The following SOS2 variants were observed in gnomAD, a reference collection of about 807,000 sequenced individuals.
SOS2 encodes the protein SOS Ras/Rho guanine nucleotide exchange factor 2, also known as son of sevenless homolog 2.
In SOS2, 65 loss-of-function variants were observed where a neutral mutation model predicts 148.2. That is an observed-to-expected ratio of 0.44 (90% CI 0.36 to 0.54). The LOEUF is 0.54. Among genes scored for constraint, SOS2 ranks in the 20% least tolerant of loss-of-function variants. The pLI is 0.00. For synonymous variants in SOS2, 539 were observed against 537.1 expected (o/e 1.00, Z -0.05); for missense variants, 1,341 against 1,590.2 (o/e 0.84, Z 2.67).
intron 13 of SOS2, 48 bp from the exon 14 acceptor site, chr14:50,150,278 G>T: frequency 1.7e-6 from 2 of 1,210,274 alleles, no homozygotes; most frequent in South Asian, 2.4e-5. Flanking sequence ...TGACAGACAT[G>T]ACTGCAAATC....
chr14:50,144,494 G>A (rs1884401127), intron 16 of SOS2, among the ~76,000 whole-genome samples: 1 of 152,070 alleles, frequency 6.6e-6, no homozygotes, highest in Non-Finnish European at 1.5e-5. Flanking sequence ...CTGGAGTGCA[G>A]TGGTGTGATC....
At position 50,132,180 on chromosome 14, in the gene SOS2, G is replaced by A. The variant is rs138325124; in HGVS notation, c.3076-1418C>T. ...GCACAATCAAAGCAATGGCTACCAA[G>A]AGGTGGAAGTGTGGTCCAGTCAAAG... On this transcript the variant is annotated intron_variant, in intron 19 of 22. Coordinates refer to ENST00000216373, the MANE Select transcript of SOS2 (RefSeq NM_006939.4). 1.7e-3 allele frequency among the ~76,000 whole-genome samples: 266 copies of A among 152,094 alleles called. 1 individual carries two copies. The highest frequency in any genetic ancestry group is 4.7e-3 in the Admixed American group (72 of 15,260).
At chr14:50,152,080 G>GT (rs1884677814) in intron 13 of SOS2, among the ~76,000 whole-genome samples, 1 of 152,076 alleles carries the variant, frequency 6.6e-6, no homozygotes, top group Non-Finnish European at 1.5e-5. Context: ...ACATAAAAAT[G>GT]TATCATAAAC....
intron 21 of SOS2, among the ~76,000 whole-genome samples, chr14:50,125,603 G>A (rs1883656381): frequency 2.9e-5 from 1 of 34,102 alleles, no homozygotes; most frequent in Admixed American, 3.8e-4. Context: ...GGAGGAAGAT[G>A]AAACCCTACA....
At chr14:50,214,488 G>C (rs1240935634) in intron 1 of SOS2, among the ~76,000 whole-genome samples, 1 of 152,002 alleles carries the variant, frequency 6.6e-6, no homozygotes, top group Non-Finnish European at 1.5e-5. Flanking sequence ...ATTTCTAATA[G>C]ATCAATCGAC....
intron 4 of SOS2, among the ~76,000 whole-genome samples, chr14:50,189,180 A>G (rs1177274023): frequency 2.6e-5 from 4 of 151,618 alleles, no homozygotes. Context: ...AAAAGGAAAA[A>G]AAGTTGTTGA....
chr14:50,142,010 C>CTT (rs143071093), intron 16 of SOS2, among the ~76,000 whole-genome samples: 3 of 142,980 alleles, frequency 2.1e-5, no homozygotes, highest in African/African-American at 5.1e-5. Flanking sequence ...ATTAATATTT[C>CTT]TTTTTTTTTT....
chr14:50,163,409 C>G (rs980165974), intron 8 of SOS2, among the ~76,000 whole-genome samples: 4 of 152,070 alleles, frequency 2.6e-5, no homozygotes, highest in African/African-American at 9.7e-5. Flanking sequence ...ACAACTTTGT[C>G]CATTACCTTT....
At chr14:50,125,163 C>G (rs1883643020) in intron 21 of SOS2, among the ~76,000 whole-genome samples, 1 of 152,076 alleles carries the variant, frequency 6.6e-6, no homozygotes, top group African/African-American at 2.4e-5. Flanking sequence ...TGACCAGTGT[C>G]TTTATAAGAA....
intron 14 of SOS2, among the ~76,000 whole-genome samples, chr14:50,145,961 C>A (rs1989544): frequency 0.83 from 126,449 of 151,742 alleles, 52,741 homozygotes; most frequent in East Asian, 0.91. Flanking sequence ...ATGGAAAAAC[C>A]CCGTCTCTAC....
rs571339365 is a variant in SOS2, at chr14:50,130,576, T to C, written c.3262A>G (p.Thr1088Ala). ...STVSAPTSPN[T>A]PSTPPVSASS... is the part of the protein sequence containing the mutation. ...GCAGATACTGGTGGAGTAGATGGTG[T>C]ATTTGGAGAGGTTGGTGCTGACACT... The change falls in exon 20 of 23, where the codon ACA becomes GCA. Residue 1088 changes from threonine (T) to alanine (A), a missense_variant. Thr to Ala is a moderately conservative substitution (Grantham distance 58). Coordinates refer to ENST00000216373, the MANE Select transcript of SOS2 (RefSeq NM_006939.4). The C allele has an allele frequency of 6.2e-7, 1 of 1,613,908 alleles. No homozygotes were observed. Among genetic ancestry groups the C allele is most frequent in the East Asian group, 2.2e-5 (1 of 44,874 alleles).
At chr14:50,214,940 A>G (rs1323594246) in intron 1 of SOS2, among the ~76,000 whole-genome samples, 1 of 149,336 alleles carries the variant, frequency 6.7e-6, no homozygotes, top group Non-Finnish European at 1.5e-5. Flanking sequence ...GGTTCACGCC[A>G]TTCTCCTGCC....
chr14:50,147,475 G>A (rs1431918658), intron 14 of SOS2, among the ~76,000 whole-genome samples: 1 of 139,624 alleles, frequency 7.2e-6, no homozygotes, highest in Non-Finnish European at 1.5e-5. Context: ...TTGTGCCACT[G>A]CACTCCAGCC....
At chr14:50,207,176 G>T (rs1187201112) in intron 1 of SOS2, among the ~76,000 whole-genome samples, 1 of 151,996 alleles carries the variant, frequency 6.6e-6, no homozygotes, top group Non-Finnish European at 1.5e-5. Flanking sequence ...TTTATTTTGG[G>T]ACTAGACTTT....
At chr14:50,192,313 T>C (rs1358807216) in intron 4 of SOS2, among the ~76,000 whole-genome samples, 1 of 152,018 alleles carries the variant, frequency 6.6e-6, no homozygotes, top group Non-Finnish European at 1.5e-5. Context: ...CCCAGAACTT[T>C]AGAGGCCAAG....
Position 50,143,215 on chromosome 14 carries a change from C to T in SOS2, c.2667+1955G>A, listed in dbSNP as rs966071391. On this transcript the variant is annotated intron_variant, in intron 16 of 22. Transcript: ENST00000216373. ...TGACTAATGCCTGTAATCGCAGCTA[C>T]TCAAGAGGCTGGGACAGGACGATCC... 2.6e-5 allele frequency among the ~76,000 whole-genome samples: 4 copies of T among 151,752 alleles called. No individual in the cohort carries two copies. In the East Asian group the frequency reaches 7.8e-4, roughly 29 times the overall value.
chr14:50,166,793 A>G (rs1296858018), intron 8 of SOS2, among the ~76,000 whole-genome samples: 1 of 152,210 alleles, frequency 6.6e-6, no homozygotes, highest in Non-Finnish European at 1.5e-5. Context: ...AATTCACTGT[A>G]CTAGGAGTTC....
intron 4 of SOS2, among the ~76,000 whole-genome samples, chr14:50,194,307 T>C (rs1886247980): frequency 6.6e-6 from 1 of 152,078 alleles, no homozygotes; most frequent in Admixed American, 6.6e-5. Flanking sequence ...CCTTTATAGG[T>C]AAAGTTTGTT....
intron 5 of SOS2, among the ~76,000 whole-genome samples, chr14:50,187,024 T>A (rs1373186238): frequency 6.6e-6 from 1 of 152,214 alleles, no homozygotes; most frequent in Non-Finnish European, 1.5e-5. Context: ...TAAGTATCTT[T>A]TTTTTGAGCC....
Sources: gnomAD v4.1 joint callset for allele counts (sites outside exome capture counted in the v4.1 genomes callset) on GRCh38, gnomAD v4.1.1 for gene constraint, MANE v1.5 for transcripts, NCBI Gene and HGNC (gene_info 2026-07-23, HGNC 2026-07-21) for gene names.